The following NEK1 variants were observed in gnomAD, a reference collection of about 807,000 sequenced individuals.
NEK1 encodes the protein serine/threonine-protein kinase Nek1.
In NEK1, 137 loss-of-function variants were observed where a neutral mutation model predicts 182.1. The observed-to-expected ratio is 0.75, with a 90% CI of 0.65 to 0.87. The LOEUF is 0.87. NEK1 is among the 40% of genes least tolerant of loss of function. NEK1 has a pLI of 0.00. For synonymous variants in NEK1, 513 were observed against 492.2 expected, an observed-to-expected ratio of 1.04 and a Z score of -0.56; for missense variants, 1,391 against 1,494.4, an observed-to-expected ratio of 0.93 and a Z score of 1.14.
chr4:169,467,370 A>G (rs2149514964), intron 26 of NEK1, among the ~76,000 whole-genome samples: 1 of 152,208 alleles, frequency 6.6e-6, no homozygotes, highest in Middle Eastern at 3.4e-3. Context: ...ACCATATATG[A>G]AGTATAACTC....
rs1399779695 is a variant in NEK1 at position 169,394,136 on chromosome 4, TC to T, written c.*373del. On this transcript the variant is annotated 3_prime_UTR_variant, in exon 36 of 36. Transcript: ENST00000507142. ...ACTCCATTGAAAAACCACAGACAGG[TC>T]CTTCATGACATAGGTAATTCCTTCA... 7.9e-5 allele frequency: 14 copies of T among 176,376 alleles called. No individual in the cohort carries two copies. The South Asian group carries it at 1.6e-3, about 20-fold the overall frequency. The allele number at this position is 176,376 out of a possible 1,614,324, so 10.9% of individuals were successfully genotyped here. A position where few individuals can be genotyped will look rare whatever the true frequency, so the allele number is the denominator to read the frequency against.
chr4:169,405,316 G>A (rs1274085990), intron 32 of NEK1, among the ~76,000 whole-genome samples: 1 of 152,096 alleles, frequency 6.6e-6, no homozygotes, highest in Non-Finnish European at 1.5e-5. Flanking sequence ...GTAACACAAT[G>A]CTATCTGTCT....
At chr4:169,408,896 A>G (rs529806307) in intron 31 of NEK1, among the ~76,000 whole-genome samples, 8 of 152,226 alleles carry the variant, frequency 5.3e-5, no homozygotes, top group African/African-American at 1.7e-4. Flanking sequence ...GGTCGTTTCC[A>G]TATCTTTGCA....
At chr4:169,406,849 A>AATGTAACATATAAAAAGTTTTTATATAT in intron 31 of NEK1, 102 bp from the exon 32 acceptor site, 1 of 848,206 alleles carries the variant, frequency 1.2e-6, no homozygotes, top group Admixed American at 3.4e-5. Flanking sequence ...ATATGTGTAA[A>AATGTAACATATAAAAAGTTTTTATATAT]ATGTAACATA....
intron 35 of NEK1, among the ~76,000 whole-genome samples, chr4:169,397,816 C>A (rs183923758): frequency 6.6e-6 from 1 of 152,204 alleles, no homozygotes; most frequent in Non-Finnish European, 1.5e-5. Flanking sequence ...TTGATTGTTA[C>A]AGCTCTCCAC....
intron 23 of NEK1, among the ~76,000 whole-genome samples, chr4:169,494,743 A>G (rs963332090): frequency 6.6e-6 from 1 of 152,106 alleles, no homozygotes; most frequent in Non-Finnish European, 1.5e-5. Flanking sequence ...ATTTCTCCAC[A>G]TCCTCTCCAG....
chr4:169,589,392 G>T lies in NEK1; in HGVS notation c.464+55C>A. 12 of 968,666 alleles carry T rather than the reference G, an allele frequency of 1.2e-5. No homozygotes were observed. In the South Asian group the frequency reaches 1.7e-4, roughly 13 times the overall value. The allele number at this position is 968,666 out of a possible 1,614,324, so 60.0% of individuals were successfully genotyped here. A position where few individuals can be genotyped will look rare whatever the true frequency, so the allele number is the denominator to read the frequency against. On this transcript the variant is annotated intron_variant, in intron 7 of 35. Coordinates refer to ENST00000507142, the MANE Select transcript of NEK1 (RefSeq NM_001199397.3). Reference sequence around the variant, plus strand: ...AAATTATCACATATACATCATCATGGATTGAAGGTTCGCTGAAAACATTAT... The same window carrying T: ...AAATTATCACATATACATCATCATGTATTGAAGGTTCGCTGAAAACATTAT...
At chr4:169,525,476 G>GA (rs1050661537) in intron 19 of NEK1, among the ~76,000 whole-genome samples, 71 of 151,806 alleles carry the variant, frequency 4.7e-4, no homozygotes, top group African/African-American at 1.7e-3. Context: ...AAGAAGATCT[G>GA]AAAAAAATAA....
At chr4:169,432,526 T>C (rs1430755273) in intron 29 of NEK1, among the ~76,000 whole-genome samples, 1 of 152,026 alleles carries the variant, frequency 6.6e-6, no homozygotes, top group African/African-American at 2.4e-5. Flanking sequence ...TAACTAGCTA[T>C]AAAATAAGAA....
intron 19 of NEK1, among the ~76,000 whole-genome samples, chr4:169,524,009 T>C (rs896216218): frequency 1.3e-5 from 2 of 152,192 alleles, no homozygotes; most frequent in African/African-American, 4.8e-5. Context: ...ATCATTTTTG[T>C]AAAATTCAGA....
At chr4:169,441,039 T>C (rs760014930) in intron 27 of NEK1, among the ~76,000 whole-genome samples, 9 of 152,194 alleles carry the variant, frequency 5.9e-5, no homozygotes, top group Non-Finnish European at 1.0e-4. Context: ...CCTTGTGACA[T>C]GAGCTGGACT....
At chr4:169,545,473 C>A (rs1395000070) in intron 18 of NEK1, among the ~76,000 whole-genome samples, 1 of 149,582 alleles carries the variant, frequency 6.7e-6, no homozygotes, top group Admixed American at 6.6e-5. Context: ...GGGTTGGTTC[C>A]AAGTCTTTGC....
At chr4:169,506,045 G>C (rs1753198253) in intron 23 of NEK1, among the ~76,000 whole-genome samples, 1 of 150,218 alleles carries the variant, frequency 6.7e-6, no homozygotes, top group South Asian at 2.1e-4. Context: ...TTAACTTGTA[G>C]GTTTAATATA....
chr4:169,490,387 G>C (rs770687866), intron 23 of NEK1, among the ~76,000 whole-genome samples: 1 of 152,096 alleles, frequency 6.6e-6, no homozygotes, highest in Non-Finnish European at 1.5e-5. Context: ...TGATCCACTA[G>C]ATGTGCAGTT....
chr4:169,403,574 A>C (rs77349951), intron 32 of NEK1, among the ~76,000 whole-genome samples: 3,751 of 152,128 alleles, frequency 0.025, 143 homozygotes, highest in African/African-American at 0.084. Context: ...TATCTCCCCC[A>C]AAAAATTTTA....
chr4:169,450,877 T>C (rs940158658), intron 27 of NEK1, among the ~76,000 whole-genome samples: 2 of 151,622 alleles, frequency 1.3e-5, no homozygotes, highest in African/African-American at 4.8e-5. Flanking sequence ...TGGTGTGCTG[T>C]ATTTAGGAGA....
intron 27 of NEK1, among the ~76,000 whole-genome samples, chr4:169,446,304 T>G (rs931684629): frequency 6.8e-6 from 1 of 147,744 alleles, no homozygotes; most frequent in South Asian, 2.1e-4. Context: ...AGAAAAAGAG[T>G]GAAGACCCAA....
chr4:169,503,483 C>G (rs775023595), intron 23 of NEK1, among the ~76,000 whole-genome samples: 3 of 152,050 alleles, frequency 2.0e-5, no homozygotes, highest in Admixed American at 6.6e-5. Flanking sequence ...TACTACAGAG[C>G]TGTAACCAAA....
chr4:169,415,310 CAGT>C (rs1041640839), intron 31 of NEK1, among the ~76,000 whole-genome samples: 2 of 152,144 alleles, frequency 1.3e-5, no homozygotes, highest in African/African-American at 4.8e-5. Context: ...ACTGTATTTA[CAGT>C]AGAAGTAGTA....
Sources: allele counts gnomAD v4.1 joint callset (sites outside exome capture counted in the v4.1 genomes callset), GRCh38; gene constraint gnomAD v4.1.1; transcripts MANE v1.5; gene names NCBI Gene and HGNC (gene_info 2026-07-23, HGNC 2026-07-21).